The following MINDY3 variants were observed in gnomAD, a reference collection of about 807,000 sequenced individuals.
MINDY3 encodes the protein MINDY lysine 48 deubiquitinase 3.
MINDY3 carries 38 observed loss-of-function variants against 69.2 expected under a neutral mutation model. That is an observed-to-expected ratio of 0.55 (90% CI 0.42 to 0.72). The LOEUF (loss-of-function observed/expected upper bound fraction) is 0.72, where lower values mean the gene tolerates loss of function less well. Among genes scored for constraint, MINDY3 ranks in the 30% least tolerant of loss-of-function variants. The pLI, the probability that MINDY3 is intolerant of heterozygous loss-of-function variation, is 0.00. For synonymous variants in MINDY3, 192 were observed against 180.1 expected, an observed-to-expected ratio of 1.07 and a Z score of -0.53; for missense variants, 522 against 519.0, an observed-to-expected ratio of 1.01 and a Z score of -0.06.
At chr10:15,807,366 G>A (rs114255925) in intron 10 of MINDY3, among the ~76,000 whole-genome samples, 2,322 of 152,256 alleles carry the variant, frequency 0.015, 50 homozygotes, top group African/African-American at 0.05. Flanking sequence ...GACACAATAC[G>A]AATGGTGGAA....
At chr10:15,805,566 C>A (rs978483045) in intron 10 of MINDY3, among the ~76,000 whole-genome samples, 4 of 152,226 alleles carry the variant, frequency 2.6e-5, no homozygotes, top group African/African-American at 9.6e-5. Flanking sequence ...GTTGCTGCTT[C>A]CTCCTTCTAA....
chr10:15,816,282 G>GAAAAAAAAA (rs1421619763), intron 10 of MINDY3, among the ~76,000 whole-genome samples: 1 of 108,512 alleles, frequency 9.2e-6, no homozygotes, highest in African/African-American at 6.2e-5. Context: ...AAAAAAAAAT[G>GAAAAAAAAA]AAAAAGAAAA....
chr10:15,828,387 A>G (rs1029190310), intron 8 of MINDY3, among the ~76,000 whole-genome samples: 2 of 152,222 alleles, frequency 1.3e-5, no homozygotes, highest in African/African-American at 2.4e-5. Context: ...ATAGAGAGAA[A>G]GTAGATGAGC....
At chr10:15,849,672 G>A (rs1211206124) in intron 1 of MINDY3, among the ~76,000 whole-genome samples, 1 of 152,156 alleles carries the variant, frequency 6.6e-6, no homozygotes, top group Non-Finnish European at 1.5e-5. Context: ...GAAGTTTCTA[G>A]TTTGAGACAC....
At chr10:15,820,812 T>C (rs1017809033) in intron 9 of MINDY3, among the ~76,000 whole-genome samples, 11 of 152,098 alleles carry the variant, frequency 7.2e-5, no homozygotes, top group South Asian at 2.1e-4. Context: ...TGTTCTAAAA[T>C]AGAAAAGGAA....
intron 8 of MINDY3, among the ~76,000 whole-genome samples, chr10:15,822,264 T>C (rs1272672691): frequency 1.3e-5 from 2 of 151,940 alleles, no homozygotes; most frequent in Non-Finnish European, 2.9e-5. Flanking sequence ...GAATAGAAAA[T>C]GATCTCTGCC....
rs201568467 is a variant in MINDY3 at position 15,849,446 on chromosome 10, GT to G, written c.95-1504del. ...GTAAAACAGTAATATCATCTTACTG[GT>G]TTTTTTTTTTTTTCTTTTTCCTTTT... On this transcript the variant is annotated intron_variant, in intron 1 of 14. Coordinates refer to ENST00000277632, the MANE Select transcript of MINDY3 (RefSeq NM_024948.4). Among the ~76,000 whole-genome samples the G allele has an allele frequency of 3.9e-3, 556 of 142,854 alleles. 1 individual carries two copies. The highest frequency in any genetic ancestry group is 9.2e-3 in the Admixed American group (131 of 14,260). The allele number at this position is 142,854 out of a possible 152,430, so 93.7% of individuals were successfully genotyped here.
intron 13 of MINDY3, among the ~76,000 whole-genome samples, chr10:15,784,484 C>G (rs533995045): frequency 1.3e-5 from 2 of 152,146 alleles, no homozygotes; most frequent in Non-Finnish European, 2.9e-5. Flanking sequence ...GTGGCTCATA[C>G]CTGTAATCCC....
rs1020429366 is a variant in MINDY3, at chr10:15,841,558, T to C, written c.277A>G (p.Ile93Val). The change falls in exon 4 of 15, where the codon ATT (isoleucine) becomes GTT (valine). Residue 93 changes from isoleucine (I) to valine (V), a missense_variant. Physicochemically the swap from Ile to Val is conservative, Grantham distance 29. Transcript: ENST00000277632. Reference sequence around the variant, plus strand: ...TGGTCACAACAAGCACTTTCTAAAATATCACACAAGGTATGACAAAGGAGT... The same window carrying C: ...TGGTCACAACAAGCACTTTCTAAAACATCACACAAGGTATGACAAAGGAGT... ...KELLCHTLCDILESACCDHSG... is the reference protein window; with the variant it reads ...KELLCHTLCDVLESACCDHSG... 4.3e-6 allele frequency: 7 copies of C among 1,611,080 alleles called. No individual in the cohort carries two copies. Among genetic ancestry groups the C allele is most frequent in the Non-Finnish European group, 5.1e-6 (6 of 1,178,262 alleles).
At chr10:15,803,070 T>C (rs1838379888) in intron 10 of MINDY3, among the ~76,000 whole-genome samples, 1 of 152,184 alleles carries the variant, frequency 6.6e-6, no homozygotes, top group Non-Finnish European at 1.5e-5. Flanking sequence ...TTGCTTATTT[T>C]GACTGTTTAC....
At chr10:15,834,670 A>T in intron 6 of MINDY3, 54 bp from the exon 7 acceptor site, 1 of 1,284,026 alleles carries the variant, frequency 7.8e-7, no homozygotes. Flanking sequence ...GAAAATTATG[A>T]CTGTTTAAAA....
intron 10 of MINDY3, among the ~76,000 whole-genome samples, chr10:15,807,076 T>C (rs1838686325): frequency 2.6e-5 from 4 of 152,134 alleles, no homozygotes; most frequent in Admixed American, 1.3e-4. Flanking sequence ...GACTGTAACA[T>C]GCAGATGAAA....
chr10:15,856,504 CTGGAAGAAGGAAAATAAT>C (rs998236441), intron 1 of MINDY3, among the ~76,000 whole-genome samples: 8 of 151,438 alleles, frequency 5.3e-5, no homozygotes, highest in African/African-American at 1.9e-4. Context: ...AATAAAATAA[CTGGAAGAAGGAAAATAAT>C]TGGAAGAAGG....
intron 8 of MINDY3, among the ~76,000 whole-genome samples, chr10:15,830,958 T>C (rs558044086): frequency 2.0e-5 from 3 of 152,134 alleles, no homozygotes; most frequent in Non-Finnish European, 4.4e-5. Flanking sequence ...GAGAATCACA[T>C]TTAATAGCAG....
chr10:15,848,395 G>A (rs1834004204), intron 1 of MINDY3, among the ~76,000 whole-genome samples: 1 of 152,128 alleles, frequency 6.6e-6, no homozygotes, highest in Admixed American at 6.5e-5. Flanking sequence ...AGCACTTTGG[G>A]AGGCAGAGGC....
intron 8 of MINDY3, among the ~76,000 whole-genome samples, chr10:15,822,591 A>C (rs893428866): frequency 6.6e-6 from 1 of 152,228 alleles, no homozygotes; most frequent in Non-Finnish European, 1.5e-5. Context: ...ATTAACACAA[A>C]GAATTAAGAA....
chr10:15,784,876 G>T (rs1836835080), intron 13 of MINDY3, among the ~76,000 whole-genome samples: 1 of 152,106 alleles, frequency 6.6e-6, no homozygotes, highest in African/African-American at 2.4e-5. Context: ...TGGTATGTAG[G>T]GCATGATCGG....
intron 8 of MINDY3, among the ~76,000 whole-genome samples, chr10:15,828,982 G>C (rs1840277694): frequency 6.6e-6 from 1 of 152,162 alleles, no homozygotes; most frequent in African/African-American, 2.4e-5. Context: ...TGCCTTGAAG[G>C]GTTGTTGTAA....
chr10:15,789,895 A>C (rs1313286027), intron 11 of MINDY3, among the ~76,000 whole-genome samples: 1 of 152,144 alleles, frequency 6.6e-6, no homozygotes. Flanking sequence ...GATGATGACT[A>C]CTTTATGGAA....
Sources: gnomAD v4.1 joint callset for allele counts (sites outside exome capture counted in the v4.1 genomes callset) on GRCh38, gnomAD v4.1.1 for gene constraint, MANE v1.5 for transcripts, NCBI Gene and HGNC (gene_info 2026-07-23, HGNC 2026-07-21) for gene names.